XKR4: variants seen among roughly 807,000 people sequenced by gnomAD.
The protein encoded by XKR4 is XK related 4.
Under a neutral mutation model 53.9 loss-of-function variants are expected in XKR4, and 12 were observed. The observed-to-expected ratio is 0.22, with a 90% CI of 0.14 to 0.36. XKR4 has a LOEUF of 0.36. XKR4 is among the 10% of genes least tolerant of loss of function. The pLI is 1.00. For synonymous variants in XKR4, 354 were observed against 362.4 expected (o/e 0.98, Z 0.26); for missense variants, 799 against 859.5 (o/e 0.93, Z 0.88).
At chr8:55,283,031 T>C (rs1818862141) in intron 1 of XKR4, among the ~76,000 whole-genome samples, 1 of 152,204 alleles carries the variant, frequency 6.6e-6, no homozygotes, top group Non-Finnish European at 1.5e-5. Flanking sequence ...CCTAAAGTAT[T>C]GAGTTCAGTC....
rs1005666815 is a variant in XKR4 at position 55,532,237 on chromosome 8, G to T, written c.*8010G>T. On this transcript the variant is annotated 3_prime_UTR_variant, in exon 3 of 3. Coordinates refer to ENST00000327381, the MANE Select transcript of XKR4 (RefSeq NM_052898.2). ...TAATAAAAGAGTTGACCTAATAAAT[G>T]TTACAAGGTACCATGATCTCTAGGT... 3 of 152,092 alleles carry T rather than the reference G, an allele frequency of 2.0e-5. No homozygotes were observed. The highest frequency in any genetic ancestry group is 4.4e-5 in the Non-Finnish European group (3 of 68,020). The allele number at this position is 152,092 out of a possible 1,614,324, so 9.4% of individuals were successfully genotyped here.
At chr8:55,412,205 G>A (rs903517525) in intron 2 of XKR4, among the ~76,000 whole-genome samples, 2 of 152,102 alleles carry the variant, frequency 1.3e-5, no homozygotes, top group Non-Finnish European at 2.9e-5. Context: ...TTTGTGGACT[G>A]AGCCCAAAAC....
intron 1 of XKR4, among the ~76,000 whole-genome samples, chr8:55,186,477 A>C (rs1817378716): frequency 6.6e-6 from 1 of 152,038 alleles, no homozygotes; most frequent in African/African-American, 2.4e-5. Flanking sequence ...AACATGGTGA[A>C]ACCCCGTCTC....
At chr8:55,447,051 T>C (rs1448732809) in intron 2 of XKR4, among the ~76,000 whole-genome samples, 1 of 145,502 alleles carries the variant, frequency 6.9e-6, no homozygotes, top group East Asian at 2.0e-4. Context: ...GCCTACCTGA[T>C]TGGGAAAAAA....
chr8:55,164,137 C>T (rs764605913), intron 1 of XKR4: 14 of 454,758 alleles, frequency 3.1e-5, no homozygotes, highest in African/African-American at 2.2e-4. Context: ...CCAGACCAGC[C>T]CTACAGGAGT....
At chr8:55,193,752 C>T (rs573737596) in intron 1 of XKR4, among the ~76,000 whole-genome samples, 21 of 152,350 alleles carry the variant, frequency 1.4e-4, no homozygotes, top group African/African-American at 4.8e-4. Flanking sequence ...GGTGAAGCCC[C>T]CTCAGGTCCC....
rs565372634 is a variant in XKR4 at position 55,374,527 on chromosome 8, A to C, written c.1006+16650A>C. ...CTCATTGGAGAAGGCCAAGCGCAGAACTGGTAAAGTGAACCACCATTTAAG... is the reference window on the plus strand; with the variant it reads ...CTCATTGGAGAAGGCCAAGCGCAGACCTGGTAAAGTGAACCACCATTTAAG... On this transcript the variant is annotated intron_variant, in intron 2 of 2. Coordinates refer to ENST00000327381, the MANE Select transcript of XKR4 (RefSeq NM_052898.2). Among the ~76,000 whole-genome samples the C allele has an allele frequency of 1.9e-4, 29 of 152,350 alleles. 2 individuals are homozygous for C. The East Asian group carries it at 5.4e-3, about 28-fold the overall frequency.
rs559266977 is a variant in XKR4, at chr8:55,156,311, A to C, written c.806+53017A>C. On this transcript the variant is annotated intron_variant, in intron 1 of 2. Transcript: ENST00000327381. ...GTAAGAAAAAAACATGAAAATATGC[A>C]ATAATTTTGAATCCAAATGACCGCG... Among the ~76,000 whole-genome samples the C allele has an allele frequency of 4.0e-3, 612 of 152,092 alleles. 4 individuals carry two copies. Among genetic ancestry groups the C allele is most frequent in the South Asian group, 0.013 (61 of 4,812 alleles).
At chr8:55,356,069 G>A (rs1803792979) in intron 1 of XKR4, among the ~76,000 whole-genome samples, 7 of 152,154 alleles carry the variant, frequency 4.6e-5, no homozygotes, top group Admixed American at 3.9e-4. Context: ...TACCTTTCTT[G>A]AGGGATCTAC....
intron 2 of XKR4, among the ~76,000 whole-genome samples, chr8:55,505,964 C>A (rs1452519595): frequency 6.6e-6 from 1 of 152,190 alleles, no homozygotes; most frequent in African/African-American, 2.4e-5. Flanking sequence ...ACTTTTAAAG[C>A]AACTTTTTCA....
At chr8:55,120,676 A>G (rs563371000) in intron 1 of XKR4, among the ~76,000 whole-genome samples, 2 of 152,062 alleles carry the variant, frequency 1.3e-5, no homozygotes, top group Non-Finnish European at 2.9e-5. Context: ...TATTATTAAC[A>G]TCTTGCATTA....
intron 1 of XKR4, among the ~76,000 whole-genome samples, chr8:55,328,783 A>T (rs1368998243): frequency 6.6e-6 from 1 of 152,110 alleles, no homozygotes; most frequent in Admixed American, 6.6e-5. Flanking sequence ...CCCTTCCCTG[A>T]ATCTTCACAG....
chr8:55,250,641 T>G (rs1818350664), intron 1 of XKR4, among the ~76,000 whole-genome samples: 1 of 152,212 alleles, frequency 6.6e-6, no homozygotes, highest in African/African-American at 2.4e-5. Context: ...AATAAGATAT[T>G]TAATAGAGGC....
chr8:55,172,040 C>A (rs1817166685), intron 1 of XKR4, among the ~76,000 whole-genome samples: 1 of 152,084 alleles, frequency 6.6e-6, no homozygotes, highest in African/African-American at 2.4e-5. Context: ...ATGGTGAAAC[C>A]TCATCTCTAC....
intron 2 of XKR4, among the ~76,000 whole-genome samples, chr8:55,365,904 G>T (rs924446135): frequency 6.6e-6 from 1 of 152,166 alleles, no homozygotes; most frequent in Non-Finnish European, 1.5e-5. Flanking sequence ...GGAGTGCTGG[G>T]TGACAGAAGG....
intron 1 of XKR4, among the ~76,000 whole-genome samples, chr8:55,255,280 GAGCCTAC>G (rs1219802092): frequency 6.6e-6 from 1 of 152,128 alleles, no homozygotes; most frequent in Non-Finnish European, 1.5e-5. Context: ...TTACTTCTCA[GAGCCTAC>G]AGTCAGAAAT....
intron 1 of XKR4, chr8:55,164,724 A>G (rs936295873): frequency 4.3e-5 from 11 of 256,246 alleles, no homozygotes; most frequent in African/African-American, 2.4e-4. Context: ...TAATAATACC[A>G]TTACCAATTG....
chr8:55,404,258 T>C (rs1021919318), intron 2 of XKR4, among the ~76,000 whole-genome samples: 1 of 151,992 alleles, frequency 6.6e-6, no homozygotes, highest in Non-Finnish European at 1.5e-5. Context: ...GGTAGATAGA[T>C]GACAGATGAC....
chr8:55,465,427 A>G lies in XKR4; in HGVS notation c.1007-57854A>G, dbSNP rs528815399. Among the ~76,000 whole-genome samples the G allele has an allele frequency of 1.6e-3, 240 of 152,188 alleles. 5 individuals are homozygous for G. The highest frequency in any genetic ancestry group is 5.2e-3 in the African/African-American group (217 of 41,478). Reference sequence around the variant, plus strand: ...ATAAATGGTGCTGGAAAAACTGGCTAGCCATATGTAGAAAGCTGAAACTGG... The same window carrying G: ...ATAAATGGTGCTGGAAAAACTGGCTGGCCATATGTAGAAAGCTGAAACTGG... On this transcript the variant is annotated intron_variant, in intron 2 of 2. Transcript: ENST00000327381.
Sources: allele counts gnomAD v4.1 joint callset (sites outside exome capture counted in the v4.1 genomes callset), GRCh38; gene constraint gnomAD v4.1.1; transcripts MANE v1.5; gene names NCBI Gene and HGNC (gene_info 2026-07-23, HGNC 2026-07-21).